NRXN3: variants seen among roughly 807,000 people sequenced by gnomAD.
NRXN3 encodes the protein neurexin III.
NRXN3 carries 32 observed loss-of-function variants against 137.6 expected under a neutral mutation model. The observed-to-expected ratio is 0.23, with a 90% CI of 0.18 to 0.31. The LOEUF is 0.31. Among genes scored for constraint, NRXN3 ranks in the 10% least tolerant of loss-of-function variants. NRXN3 has a pLI of 1.00. For missense variants in NRXN3, 1,574 were observed against 2,062.5 expected (o/e 0.76, Z 4.59); for synonymous variants, 798 against 784.5 (o/e 1.02, Z -0.29).
rs1041548561 is a variant in NRXN3, at chr14:79,264,561, C to T, written c.3263-202660C>T. ...GTGTGTGTGTGTGTGTGTGTGTGCG[C>T]GCGTGCATGTATGTCCCCAAACTCC... On this transcript the variant is annotated intron_variant, in intron 15 of 20. Transcript: ENST00000335750. Among the ~76,000 whole-genome samples the T allele has an allele frequency of 1.1e-4, 16 of 148,126 alleles. 1 individual carries two copies. In the East Asian group the frequency reaches 1.2e-3, roughly 11 times the overall value.
chr14:79,546,250 T>G (rs1377672854), intron 16 of NRXN3, among the ~76,000 whole-genome samples: 1 of 152,188 alleles, frequency 6.6e-6, no homozygotes, highest in African/African-American at 2.4e-5. Context: ...TATGCAATTT[T>G]GGGCCATAGA....
At chr14:79,385,849 A>G (rs957261498) in intron 15 of NRXN3, among the ~76,000 whole-genome samples, 2 of 152,222 alleles carry the variant, frequency 1.3e-5, no homozygotes, top group Non-Finnish European at 2.9e-5. Flanking sequence ...AACCAAAGAC[A>G]AAAACCACAT....
intron 15 of NRXN3, among the ~76,000 whole-genome samples, chr14:79,377,970 T>G (rs2094354078): frequency 6.6e-6 from 1 of 152,210 alleles, no homozygotes; most frequent in Non-Finnish European, 1.5e-5. Flanking sequence ...GTTATACTCT[T>G]ACAAGTTGTC....
intron 15 of NRXN3, among the ~76,000 whole-genome samples, chr14:79,272,143 T>C (rs1414886339): frequency 6.6e-6 from 1 of 152,170 alleles, no homozygotes; most frequent in Non-Finnish European, 1.5e-5. Context: ...ATACCTTTGT[T>C]CTAGCACTTA....
intron 16 of NRXN3, among the ~76,000 whole-genome samples, chr14:79,651,235 C>A (rs1034073269): frequency 6.6e-6 from 1 of 152,046 alleles, no homozygotes; most frequent in African/African-American, 2.4e-5. Context: ...GGCAATTTTC[C>A]TGAAGACAGT....
At chr14:78,468,832 T>C (rs2095189595) in intron 4 of NRXN3, among the ~76,000 whole-genome samples, 1 of 152,060 alleles carries the variant, frequency 6.6e-6, no homozygotes, top group South Asian at 2.1e-4. Context: ...TAGGAAAGAA[T>C]GAATGTGTGA....
In NRXN3 at chr14:78,278,671, T is replaced by C. The variant is rs1316587622; in HGVS notation, c.727+9T>C. ...TGTCAGTCAAGATCCAGGTGAGTCT[T>C]TGTGTTTGCACAGCTGCTGTGGGAA... On this transcript the variant is annotated intron_variant, in intron 3 of 20. Coordinates refer to ENST00000335750, the MANE Select transcript of NRXN3 (RefSeq NM_001330195.2). 2 of 1,534,662 alleles carry C rather than the reference T, an allele frequency of 1.3e-6. No homozygotes were observed. The highest frequency in any genetic ancestry group is 4.9e-5 in the East Asian group (2 of 40,906).
intron 8 of NRXN3, among the ~76,000 whole-genome samples, chr14:78,763,633 T>C (rs2098699786): frequency 6.6e-6 from 1 of 152,090 alleles, no homozygotes; most frequent in African/African-American, 2.4e-5. Flanking sequence ...CAGAAAGATA[T>C]CAGCAGGCCC....
chr14:79,213,120 G>C (rs1188187886), intron 15 of NRXN3, among the ~76,000 whole-genome samples: 1 of 152,060 alleles, frequency 6.6e-6, no homozygotes, highest in African/African-American at 2.4e-5. Context: ...CTAGAAAATA[G>C]AAAATACTCT....
chr14:78,568,031 A>G (rs1374511105), intron 4 of NRXN3, among the ~76,000 whole-genome samples: 1 of 152,204 alleles, frequency 6.6e-6, no homozygotes, highest in Non-Finnish European at 1.5e-5. Flanking sequence ...ATTGAAAGCC[A>G]TGGACAGAGG....
At chr14:78,419,200 T>C (rs1056803581) in intron 4 of NRXN3, among the ~76,000 whole-genome samples, 1 of 152,236 alleles carries the variant, frequency 6.6e-6, no homozygotes. Context: ...ATTCTTAGGC[T>C]GCTTGTCTCC....
At chr14:78,556,117 G>T (rs1031832865) in intron 4 of NRXN3, among the ~76,000 whole-genome samples, 3 of 152,122 alleles carry the variant, frequency 2.0e-5, no homozygotes, top group Admixed American at 1.3e-4. Flanking sequence ...CTGAAGAGGT[G>T]GTTCAGACCA....
At chr14:78,508,909 C>G (rs1170549581) in intron 4 of NRXN3, among the ~76,000 whole-genome samples, 1 of 152,122 alleles carries the variant, frequency 6.6e-6, no homozygotes, top group Non-Finnish European at 1.5e-5. Flanking sequence ...CAGACTGATT[C>G]ATAGAGCATG....
At chr14:78,407,090 T>C (rs2092534493) in intron 4 of NRXN3, among the ~76,000 whole-genome samples, 1 of 152,200 alleles carries the variant, frequency 6.6e-6, no homozygotes, top group African/African-American at 2.4e-5. Flanking sequence ...TTTCACTAAC[T>C]CCTACCAACT....
chr14:78,986,029 T>A (rs1272160778), intron 14 of NRXN3, among the ~76,000 whole-genome samples: 1 of 152,198 alleles, frequency 6.6e-6, no homozygotes, highest in Non-Finnish European at 1.5e-5. Context: ...TGATGGCCTG[T>A]CCTGCTTCCA....
Position 79,182,895 on chromosome 14 carries a change from C to T in NRXN3, c.3262+194754C>T, listed in dbSNP as rs940018438. On this transcript the variant is annotated intron_variant, in intron 15 of 20. Coordinates refer to ENST00000335750, the MANE Select transcript of NRXN3 (RefSeq NM_001330195.2). Reference sequence around the variant, plus strand: ...GTGTTGTTAGCAGATAATTTACTCACCATTTAAAAATTATATCATTGATTA... The same window carrying T: ...GTGTTGTTAGCAGATAATTTACTCATCATTTAAAAATTATATCATTGATTA... Among the ~76,000 whole-genome samples the T allele has an allele frequency of 2.6e-5, 4 of 152,044 alleles. No homozygotes were observed. The East Asian group carries it at 7.7e-4, about 29-fold the overall frequency.
rs1372259279 is a variant in NRXN3, at chr14:79,475,644, C to G, written c.3444+8242C>G. On this transcript the variant is annotated intron_variant, in intron 16 of 20. Transcript: ENST00000335750. ...ATGTATATACAACTCTTGCACAACT[C>G]CTGGCATATAGTGAGCTTTCAATCA... Among the ~76,000 whole-genome samples, 4 of 152,026 alleles carry G rather than the reference C, an allele frequency of 2.6e-5. No individual in the cohort carries two copies. In the East Asian group the frequency reaches 7.7e-4, roughly 29 times the overall value.
At chr14:78,690,743 AC>A (rs1188635538) in intron 6 of NRXN3, among the ~76,000 whole-genome samples, 1 of 152,212 alleles carries the variant, frequency 6.6e-6, no homozygotes, top group Non-Finnish European at 1.5e-5. Flanking sequence ...AGCTTAGGTG[AC>A]CATTAACAGA....
At chr14:78,519,505 T>C (rs1364661648) in intron 4 of NRXN3, among the ~76,000 whole-genome samples, 1 of 152,220 alleles carries the variant, frequency 6.6e-6, no homozygotes, top group Non-Finnish European at 1.5e-5. Context: ...CATTAATTTA[T>C]TTACTCAGTA....
Sources: gnomAD v4.1 joint callset for allele counts (sites outside exome capture counted in the v4.1 genomes callset) on GRCh38, gnomAD v4.1.1 for gene constraint, MANE v1.5 for transcripts, NCBI Gene and HGNC (gene_info 2026-07-23, HGNC 2026-07-21) for gene names.